The following ALKBH3 variants were observed in gnomAD, a reference collection of about 807,000 sequenced individuals.
ALKBH3 encodes alpha-ketoglutarate-dependent dioxygenase alkB homolog 3.
In ALKBH3, 51 loss-of-function variants were observed where a neutral mutation model predicts 43.9. The ratio of observed to expected loss-of-function variants is 1.16; its 90% confidence interval spans 0.93 to 1.47. ALKBH3 has a LOEUF of 1.47. Ranked by LOEUF, ALKBH3 falls within the 40% of genes most tolerant of loss-of-function variation. The probability of loss-of-function intolerance (pLI) is 0.00; values close to 1 mark genes in which losing one functional copy is unlikely to be tolerated. For missense variants in ALKBH3, 361 were observed against 351.9 expected (o/e 1.03, Z -0.21); for synonymous variants, 102 against 115.2 (o/e 0.89, Z 0.73).
chr11:43,898,102 C>G, intron 7 of ALKBH3: 1 of 1,066,064 alleles, frequency 9.4e-7, no homozygotes, highest in Non-Finnish European at 1.5e-6. Flanking sequence ...CCTCAGCAGC[C>G]CCAGTGCACC....
At chr11:43,881,645 G>A (rs1951711933) in intron 1 of ALKBH3, among the ~76,000 whole-genome samples, 1 of 152,166 alleles carries the variant, frequency 6.6e-6, no homozygotes, top group South Asian at 2.1e-4. Context: ...ATCATCTGGG[G>A]GAACTTGTTA....
At chr11:43,895,336 G>A (rs1361412910) in intron 7 of ALKBH3, among the ~76,000 whole-genome samples, 1 of 152,208 alleles carries the variant, frequency 6.6e-6, no homozygotes, top group African/African-American at 2.4e-5. Flanking sequence ...CTGTTCTCAT[G>A]GTAGTGAATA....
intron 8 of ALKBH3, among the ~76,000 whole-genome samples, chr11:43,908,614 T>G (rs1160885202): frequency 6.6e-6 from 1 of 152,098 alleles, no homozygotes; most frequent in Non-Finnish European, 1.5e-5. Flanking sequence ...TGATCTCTTC[T>G]GATTTCACAT....
chr11:43,885,882 G>T (rs1951743045), intron 4 of ALKBH3, among the ~76,000 whole-genome samples: 1 of 152,172 alleles, frequency 6.6e-6, no homozygotes, highest in African/African-American at 2.4e-5. Flanking sequence ...CTGGATTAAA[G>T]GTCAGGAAAA....
At chr11:43,895,732 A>G (rs1215326438) in intron 7 of ALKBH3, among the ~76,000 whole-genome samples, 1 of 152,202 alleles carries the variant, frequency 6.6e-6, no homozygotes, top group Non-Finnish European at 1.5e-5. Context: ...CACTGATGGT[A>G]ATGGTGGATA....
At chr11:43,919,877 A>G (rs1565132114) in intron 9 of ALKBH3, 41 bp from the exon 10 acceptor site, 2 of 1,534,892 alleles carry the variant, frequency 1.3e-6, no homozygotes, top group Admixed American at 1.7e-5. Context: ...AAAAGTGTGT[A>G]TGTGTGTATT....
intron 7 of ALKBH3, among the ~76,000 whole-genome samples, chr11:43,900,878 A>G (rs1951859065): frequency 6.6e-6 from 1 of 152,212 alleles, no homozygotes; most frequent in Non-Finnish European, 1.5e-5. Flanking sequence ...GAACCTGTTT[A>G]AGTCTTCTGT....
intron 6 of ALKBH3, among the ~76,000 whole-genome samples, chr11:43,891,121 C>T (rs1254566939): frequency 2.0e-5 from 3 of 152,112 alleles, no homozygotes; most frequent in Non-Finnish European, 4.4e-5. Context: ...ACTGTACTGG[C>T]TTCATTTTTG....
At chr11:43,918,189 C>T (rs149403900) in intron 8 of ALKBH3, among the ~76,000 whole-genome samples, 5 of 152,352 alleles carry the variant, frequency 3.3e-5, no homozygotes, top group African/African-American at 1.2e-4. Flanking sequence ...CTCTTTGTTG[C>T]TGTGAGCACA....
rs1952006791 is a variant in ALKBH3, at chr11:43,919,125, G to A, written c.757G>A (p.Ala253Thr). ...TLLIMEGATQ[A>T]DWQHRVPKEY... ...GTTAATCATGGAAGGAGCGACACAAGCTGACTGGCAGGTGAGGATCTGCAA... is the reference window on the plus strand; with the variant it reads ...GTTAATCATGGAAGGAGCGACACAAACTGACTGGCAGGTGAGGATCTGCAA... Residue 253 changes from alanine to threonine, a missense_variant, in exon 9 of 10, where the codon GCT becomes ACT. By Grantham distance (58) the Ala-to-Thr change is moderately conservative. Transcript: ENST00000302708. 1 of 1,612,632 alleles carries A rather than the reference G, an allele frequency of 6.2e-7. No individual in the cohort carries two copies. The highest frequency in any genetic ancestry group is 8.5e-7 in the Non-Finnish European group (1 of 1,178,882).
chr11:43,899,656 A>C, intron 7 of ALKBH3: 1 of 448,258 alleles, frequency 2.2e-6, no homozygotes, highest in Non-Finnish European at 4.1e-6. Context: ...CATTGTATGG[A>C]CTCCTCTCAC....
chr11:43,884,834 C>T (rs1951736597), intron 4 of ALKBH3, among the ~76,000 whole-genome samples: 1 of 152,166 alleles, frequency 6.6e-6, no homozygotes, highest in Non-Finnish European at 1.5e-5. Flanking sequence ...TCACTGTAGC[C>T]TCCATCTTCT....
At chr11:43,881,632 C>G (rs1434869517) in intron 1 of ALKBH3, among the ~76,000 whole-genome samples, 1 of 152,150 alleles carries the variant, frequency 6.6e-6, no homozygotes, top group Non-Finnish European at 1.5e-5. Flanking sequence ...GAATTACATG[C>G]TTATCATCTG....
intron 8 of ALKBH3, chr11:43,909,404 G>A (rs1215968994): frequency 1.3e-5 from 2 of 152,198 alleles, no homozygotes; most frequent in African/African-American, 4.8e-5. Context: ...CTATGTTCTT[G>A]TATCAGCACT....
chr11:43,897,884 A>T, intron 7 of ALKBH3: 1 of 783,218 alleles, frequency 1.3e-6, no homozygotes, highest in South Asian at 1.3e-5. Context: ...CAATGAAACA[A>T]TATACCAGCA....
chr11:43,897,574 A>G, intron 7 of ALKBH3: 7 of 789,644 alleles, frequency 8.9e-6, no homozygotes, highest in Non-Finnish European at 1.6e-5. Flanking sequence ...ATGGGCAGTG[A>G]CACTGTGAAT....
At chr11:43,904,583 G>A (rs1254557818) in intron 8 of ALKBH3, among the ~76,000 whole-genome samples, 3 of 152,080 alleles carry the variant, frequency 2.0e-5, no homozygotes, top group Admixed American at 6.6e-5. Context: ...TCTCACTAAC[G>A]GATTTCCAAA....
chr11:43,884,375 CTT>C (rs113557050), intron 4 of ALKBH3, among the ~76,000 whole-genome samples: 7,706 of 134,052 alleles, frequency 0.057, 396 homozygotes, highest in Admixed American at 0.2. Context: ...TTAATTGCCT[CTT>C]TTTTTTTTTT....
intron 7 of ALKBH3, among the ~76,000 whole-genome samples, chr11:43,896,217 G>A (rs35509917): frequency 0.05 from 7,495 of 151,302 alleles, 443 homozygotes; most frequent in Admixed American, 0.2. Context: ...TTAGAAAACT[G>A]GTATCTGCCA....
Sources: gnomAD v4.1 joint callset for allele counts (sites outside exome capture counted in the v4.1 genomes callset) on GRCh38, gnomAD v4.1.1 for gene constraint, MANE v1.5 for transcripts, NCBI Gene and HGNC (gene_info 2026-07-23, HGNC 2026-07-21) for gene names.